The following CNTN5 variants were observed in gnomAD, a reference collection of about 807,000 sequenced individuals.
CNTN5 encodes the protein contactin 5.
Under a neutral mutation model 129.1 loss-of-function variants are expected in CNTN5, and 77 were observed. The observed-to-expected ratio is 0.60, with a 90% CI of 0.50 to 0.72. The LOEUF is 0.72. Ranked by LOEUF, CNTN5 falls within the 30% of genes least tolerant of loss-of-function variation. The pLI is 0.00. For missense variants in CNTN5, 1,478 were observed against 1,328.8 expected, an observed-to-expected ratio of 1.11 and a Z score of -1.75; for synonymous variants, 509 against 465.6, an observed-to-expected ratio of 1.09 and a Z score of -1.20.
At chr11:99,056,778 GC>G (rs926476615) in intron 1 of CNTN5, among the ~76,000 whole-genome samples, 4 of 152,106 alleles carry the variant, frequency 2.6e-5, no homozygotes, top group African/African-American at 9.6e-5. Flanking sequence ...TGATAGTAAT[GC>G]CCAGACACTG....
intron 9 of CNTN5, among the ~76,000 whole-genome samples, chr11:100,037,750 T>C (rs1195180241): frequency 6.6e-6 from 1 of 152,198 alleles, no homozygotes; most frequent in Non-Finnish European, 1.5e-5. Flanking sequence ...TCTAGTTTAT[T>C]TGTGTAGAGG....
At chr11:99,396,505 T>A (rs531109643) in intron 2 of CNTN5, among the ~76,000 whole-genome samples, 118 of 151,654 alleles carry the variant, frequency 7.8e-4, no homozygotes, top group Non-Finnish European at 1.5e-3. Context: ...ATTTTATGGG[T>A]TAATAAATAT....
chr11:99,035,190 G>T (rs1014128140), intron 1 of CNTN5, among the ~76,000 whole-genome samples: 1 of 150,774 alleles, frequency 6.6e-6, no homozygotes, highest in African/African-American at 2.5e-5. Flanking sequence ...TTACTTCCAA[G>T]TATGTGGTCA....
chr11:100,341,001 G>T, intron 22 of CNTN5, 92 bp from the exon 23 acceptor site: 1 of 960,420 alleles, frequency 1.0e-6, no homozygotes, highest in Non-Finnish European at 1.6e-6. Flanking sequence ...CAACTACTAA[G>T]CAGGAGAAAA....
intron 3 of CNTN5, among the ~76,000 whole-genome samples, chr11:99,558,819 A>G (rs1032950502): frequency 1.3e-5 from 2 of 152,100 alleles, no homozygotes; most frequent in African/African-American, 2.4e-5. Context: ...GGTCATGTAC[A>G]ATTGCTACAT....
intron 13 of CNTN5, among the ~76,000 whole-genome samples, chr11:100,162,948 G>A (rs1472946007): frequency 6.6e-6 from 1 of 151,742 alleles, no homozygotes; most frequent in African/African-American, 2.4e-5. Flanking sequence ...GCCAAATGAG[G>A]TTTTTATTCT....
chr11:99,881,281 A>G (rs1234741870), intron 6 of CNTN5, among the ~76,000 whole-genome samples: 2 of 152,202 alleles, frequency 1.3e-5, no homozygotes, highest in Non-Finnish European at 2.9e-5. Context: ...AGGATAGGAA[A>G]CAGTTTTTAA....
At chr11:99,148,859 A>G (rs566596313) in intron 1 of CNTN5, among the ~76,000 whole-genome samples, 1 of 152,288 alleles carries the variant, frequency 6.6e-6, no homozygotes, top group South Asian at 2.1e-4. Flanking sequence ...TGCTATGTAT[A>G]TATGACCAAA....
chr11:99,277,922 T>G (rs1197356435), intron 1 of CNTN5, among the ~76,000 whole-genome samples: 1 of 151,630 alleles, frequency 6.6e-6, no homozygotes, highest in East Asian at 1.9e-4. Context: ...CAGAACTGGG[T>G]AAATCTAACA....
At chr11:99,233,535 G>A (rs531262823) in intron 1 of CNTN5, among the ~76,000 whole-genome samples, 1 of 152,258 alleles carries the variant, frequency 6.6e-6, no homozygotes, top group Non-Finnish European at 1.5e-5. Flanking sequence ...CTTGATTCTT[G>A]TATTCTGTAT....
At chr11:99,385,581 G>C (rs1025031757) in intron 2 of CNTN5, among the ~76,000 whole-genome samples, 1 of 152,216 alleles carries the variant, frequency 6.6e-6, no homozygotes, top group Non-Finnish European at 1.5e-5. Context: ...TGACATAGTA[G>C]AGAGAGAAAA....
intron 3 of CNTN5, among the ~76,000 whole-genome samples, chr11:99,581,561 G>T (rs994519977): frequency 6.6e-6 from 1 of 151,912 alleles, no homozygotes; most frequent in African/African-American, 2.4e-5. Context: ...TCTTCTTGTT[G>T]AATTGATCCC....
chr11:99,962,144 AATT>A (rs1950963927), intron 8 of CNTN5, among the ~76,000 whole-genome samples: 1 of 152,066 alleles, frequency 6.6e-6, no homozygotes, highest in African/African-American at 2.4e-5. Context: ...ATTAGAATGG[AATT>A]ATTTTTATTC....
chr11:99,178,363 CA>C (rs1857883332), intron 1 of CNTN5, among the ~76,000 whole-genome samples: 1 of 119,654 alleles, frequency 8.4e-6, no homozygotes, highest in African/African-American at 3.4e-5. Context: ...CACACACACA[CA>C]CACAAAATTA....
At chr11:99,410,692 G>T (rs892730284) in intron 2 of CNTN5, among the ~76,000 whole-genome samples, 5 of 152,136 alleles carry the variant, frequency 3.3e-5, no homozygotes, top group Non-Finnish European at 7.4e-5. Context: ...AACTTTAAAA[G>T]GTTTGCTGAT....
At chr11:99,606,936 C>CA (rs1215015709) in intron 3 of CNTN5, among the ~76,000 whole-genome samples, 2 of 128,472 alleles carry the variant, frequency 1.6e-5, no homozygotes, top group African/African-American at 5.8e-5. Context: ...ACACCTTATA[C>CA]AAAAATCAAT....
At chr11:99,103,522 A>C (rs1343880663) in intron 1 of CNTN5, among the ~76,000 whole-genome samples, 1 of 152,176 alleles carries the variant, frequency 6.6e-6, no homozygotes, top group Non-Finnish European at 1.5e-5. Flanking sequence ...ATTTCAATTT[A>C]GAATGAGATT....
At chr11:99,650,159 G>A (rs1358636857) in intron 3 of CNTN5, among the ~76,000 whole-genome samples, 3 of 151,840 alleles carry the variant, frequency 2.0e-5, no homozygotes, top group Non-Finnish European at 4.4e-5. Context: ...TACTCAAGTT[G>A]AATCTTAATA....
chr11:99,951,997 A>G (rs1950688291), intron 7 of CNTN5, among the ~76,000 whole-genome samples: 1 of 152,186 alleles, frequency 6.6e-6, no homozygotes, highest in African/African-American at 2.4e-5. Flanking sequence ...TGAGTTTTAA[A>G]GGTATGATGG....
Sources: allele counts gnomAD v4.1 joint callset (sites outside exome capture counted in the v4.1 genomes callset), GRCh38; gene constraint gnomAD v4.1.1; transcripts MANE v1.5; gene names NCBI Gene and HGNC (gene_info 2026-07-23, HGNC 2026-07-21).